The following UIMC1 variants were observed in gnomAD, a reference collection of about 807,000 sequenced individuals.
UIMC1 encodes the protein ubiquitin interaction motif containing 1, also known as BRCA1-A complex subunit RAP80.
A neutral mutation model predicts 84.9 loss-of-function variants in UIMC1; 42 were observed. The observed-to-expected ratio is 0.49, with a 90% CI of 0.39 to 0.64. UIMC1 has a LOEUF of 0.64. Ranked by LOEUF, UIMC1 falls within the 30% of genes least tolerant of loss-of-function variation. UIMC1 has a pLI of 0.00. For missense variants in UIMC1, 825 were observed against 847.6 expected, an observed-to-expected ratio of 0.97 and a Z score of 0.33; for synonymous variants, 281 against 293.0, an observed-to-expected ratio of 0.96 and a Z score of 0.42.
At chr5:177,003,054 T>C (rs1774766888) in intron 1 of UIMC1, among the ~76,000 whole-genome samples, 1 of 152,048 alleles carries the variant, frequency 6.6e-6, no homozygotes, top group Admixed American at 6.6e-5. Flanking sequence ...GCACAAAGTG[T>C]ATATTTAAAT....
At chr5:176,925,364 A>T (rs1003468651) in intron 10 of UIMC1, among the ~76,000 whole-genome samples, 2 of 152,224 alleles carry the variant, frequency 1.3e-5, no homozygotes, top group Non-Finnish European at 2.9e-5. Flanking sequence ...TAAAACAAGT[A>T]AAATAACTAG....
At chr5:177,021,234 C>T (rs1011221463) in intron 1 of UIMC1, among the ~76,000 whole-genome samples, 11 of 152,050 alleles carry the variant, frequency 7.2e-5, no homozygotes, top group African/African-American at 2.4e-4. Context: ...GCCGAGATCG[C>T]GTCACTGCAC....
chr5:176,948,423 T>C (rs1765409128), intron 9 of UIMC1, among the ~76,000 whole-genome samples: 1 of 152,234 alleles, frequency 6.6e-6, no homozygotes, highest in South Asian at 2.1e-4. Flanking sequence ...ATATTCTTTA[T>C]CTAATTTCAC....
At chr5:176,959,485 G>A (rs1469136665) in intron 6 of UIMC1, among the ~76,000 whole-genome samples, 3 of 151,916 alleles carry the variant, frequency 2.0e-5, no homozygotes, top group Non-Finnish European at 2.9e-5. Flanking sequence ...GGGAGGCCGA[G>A]GCAGGCAGAT....
At chr5:177,017,293 T>C (rs1169013522) in intron 1 of UIMC1, among the ~76,000 whole-genome samples, 1 of 152,180 alleles carries the variant, frequency 6.6e-6, no homozygotes, top group Non-Finnish European at 1.5e-5. Flanking sequence ...AAAAAGACTA[T>C]TAGGAGGTAA....
intron 1 of UIMC1, among the ~76,000 whole-genome samples, chr5:176,999,154 G>C (rs963649178): frequency 6.6e-6 from 1 of 152,182 alleles, no homozygotes; most frequent in African/African-American, 2.4e-5. Context: ...CTGAGTGACA[G>C]AGCAAGATCC....
At chr5:177,009,033 G>T (rs7732309), upstream of UIMC1, among the ~76,000 whole-genome samples, 507 of 151,064 alleles carry the variant, frequency 3.4e-3, 2 homozygotes, top group African/African-American at 0.012. This position sits in a 1 kb window ranked among gnomAD's most constrained non-coding sequence, Gnocchi z 4.3. Flanking sequence ...TTTTTTAAAG[G>T]TCTCACTCTG....
chr5:176,914,039 C>CACCATACCATACCAT (rs79787456), intron 10 of UIMC1, among the ~76,000 whole-genome samples: 1,986 of 139,944 alleles, frequency 0.014, 43 homozygotes, highest in African/African-American at 0.051. Flanking sequence ...CCATACCATA[C>CACCATACCATACCAT]ACCATACCAT....
At chr5:176,978,063 G>A (rs949210975) in intron 2 of UIMC1, among the ~76,000 whole-genome samples, 3 of 152,040 alleles carry the variant, frequency 2.0e-5, no homozygotes, top group Non-Finnish European at 4.4e-5. Flanking sequence ...ATAAGAATAT[G>A]AAATACATAT....
At chr5:176,982,900 T>C (rs1046384976) in intron 1 of UIMC1, among the ~76,000 whole-genome samples, 1 of 152,190 alleles carries the variant, frequency 6.6e-6, no homozygotes, top group African/African-American at 2.4e-5. Context: ...AGTTTCACCA[T>C]GTTGGCCAGG....
At chr5:176,911,162 AAAGAAAAGAAAAG>A (rs373478686) in intron 11 of UIMC1, 136 bp downstream of exon 11, 55,647 of 311,306 alleles carry the variant, frequency 0.18, 10,930 homozygotes, top group East Asian at 0.23. Flanking sequence ...AAAGAAAAGA[AAAGAAAAGAAAAG>A]AAAATTCAGG....
At chr5:176,915,079 C>T (rs1321030691) in intron 10 of UIMC1, among the ~76,000 whole-genome samples, 1 of 152,154 alleles carries the variant, frequency 6.6e-6, no homozygotes, top group African/African-American at 2.4e-5. Flanking sequence ...TACTTGGAAA[C>T]CACTCCACAG....
chr5:177,018,430 T>C (rs1413918466), intron 1 of UIMC1, among the ~76,000 whole-genome samples: 4 of 152,160 alleles, frequency 2.6e-5, no homozygotes, highest in Non-Finnish European at 5.9e-5. Flanking sequence ...ATAGTTTCGT[T>C]TGCACATGCA....
rs778166037 is a variant in UIMC1, at chr5:176,911,379, C to G, written c.1608G>C (p.Arg536=). The change falls in exon 11 of 15, where the codon CGG becomes CGC. Residue 536 remains arginine (R), a synonymous_variant. Coordinates refer to ENST00000511320, the MANE Select transcript of UIMC1 (RefSeq NM_001199298.2). Reference sequence around the variant, plus strand: ...TCTTGGTCTTGGCCTCTTTTTGTCTCCGAGTCAATACTTTTAATATAAAAA... The same window carrying G: ...TCTTGGTCTTGGCCTCTTTTTGTCTGCGAGTCAATACTTTTAATATAAAAA... The part of the protein sequence containing the change: ...GLMEEDTVLT[R]RQKEAKTKSD... 2.5e-6 allele frequency: 4 copies of G among 1,589,048 alleles called. No individual in the cohort carries two copies. In the East Asian group the frequency reaches 9.1e-5, roughly 36 times the overall value.
At chr5:176,949,818 G>T (rs1765615521) in intron 9 of UIMC1, among the ~76,000 whole-genome samples, 1 of 152,108 alleles carries the variant, frequency 6.6e-6, no homozygotes, top group Non-Finnish European at 1.5e-5. Context: ...CCAGCACTTT[G>T]GGAGGCCTAG....
At chr5:176,991,724 A>G (rs1772869613) in intron 1 of UIMC1, among the ~76,000 whole-genome samples, 1 of 151,218 alleles carries the variant, frequency 6.6e-6, no homozygotes, top group African/African-American at 2.4e-5. Flanking sequence ...CGAGGTCAGG[A>G]GATCGAAACC....
In UIMC1 at chr5:176,905,718, T is replaced by G. The variant is rs1214053978; in HGVS notation, c.1950-226A>C. ...AGAGAATGAGAACTGAGATCCAAAT[T>G]CCCAAGCTGCTTGAGAATCCAGGTC... On this transcript the variant is annotated intron_variant, in intron 14 of 14. Transcript: ENST00000511320. 4 of 635,072 alleles carry G rather than the reference T, an allele frequency of 6.3e-6. No individual in the cohort carries two copies. The East Asian group carries it at 8.3e-5, about 13-fold the overall frequency. 39.3% of individuals were successfully genotyped at this position (635,072 alleles called of 1,614,324 possible).
intron 2 of UIMC1, among the ~76,000 whole-genome samples, chr5:176,977,730 T>C (rs985804039): frequency 1.3e-4 from 20 of 150,864 alleles, no homozygotes; most frequent in Admixed American, 9.9e-4. Flanking sequence ...GCCAACATGG[T>C]AAAACCCCCT....
chr5:176,920,673 C>T (rs554149589), intron 10 of UIMC1, among the ~76,000 whole-genome samples: 1 of 152,272 alleles, frequency 6.6e-6, no homozygotes, highest in East Asian at 1.9e-4. Context: ...GTTCTAAAGG[C>T]TTGTTTTATT....
Sources: gnomAD v4.1 joint callset for allele counts (sites outside exome capture counted in the v4.1 genomes callset) on GRCh38, gnomAD v4.1.1 for gene constraint, Gnocchi (gnomAD v3.1) non-coding constraint, MANE v1.5 for transcripts, NCBI Gene and HGNC (gene_info 2026-07-23, HGNC 2026-07-21) for gene names.